The following CHL1 variants were observed in gnomAD, a reference collection of about 807,000 sequenced individuals.
CHL1 encodes neural cell adhesion molecule L1-like protein.
CHL1 carries 96 observed loss-of-function variants against 141.9 expected under a neutral mutation model. The observed-to-expected ratio is 0.68, with a 90% confidence interval of 0.57 to 0.80. The LOEUF (loss-of-function observed/expected upper bound fraction) is 0.80. CHL1 is among the 30% of genes least tolerant of loss of function. CHL1 has a pLI of 0.00. For missense variants in CHL1, 1,820 were observed against 1,457.2 expected, an observed-to-expected ratio of 1.25 and a Z score of -4.05; for synonymous variants, 613 against 502.2, an observed-to-expected ratio of 1.22 and a Z score of -2.95.
At chr3:380,866 G>C (rs1031561408) in intron 16 of CHL1, among the ~76,000 whole-genome samples, 5 of 152,076 alleles carry the variant, frequency 3.3e-5, no homozygotes, top group African/African-American at 4.8e-5. Context: ...GATTTATTTA[G>C]TTATAAAACA....
intron 1 of CHL1, among the ~76,000 whole-genome samples, chr3:205,574 G>T (rs1206306835): frequency 1.3e-5 from 2 of 152,184 alleles, no homozygotes; most frequent in African/African-American, 4.8e-5. Context: ...CCTGGCCAAA[G>T]ATAGGGAGAT....
chr3:362,102 T>C (rs1382898243), intron 13 of CHL1, among the ~76,000 whole-genome samples: 1 of 152,230 alleles, frequency 6.6e-6, no homozygotes, highest in Non-Finnish European at 1.5e-5. Context: ...TTTTGGTTTT[T>C]CATTATGAGG....
intron 4 of CHL1, 46 bp from the exon 5 acceptor site, chr3:328,119 CAT>C (rs1315018499): frequency 1.4e-6 from 2 of 1,450,874 alleles, no homozygotes; most frequent in Non-Finnish European, 1.9e-6. Context: ...GTACTCTAAA[CAT>C]ATGTCATTAT....
At chr3:234,241 G>T (rs886142253) in intron 1 of CHL1, among the ~76,000 whole-genome samples, 1 of 150,832 alleles carries the variant, frequency 6.6e-6, no homozygotes, top group African/African-American at 2.4e-5. Context: ...ATATATATTT[G>T]TATTTTACCA....
At chr3:314,481 A>G (rs1344448471) in intron 2 of CHL1, among the ~76,000 whole-genome samples, 6 of 151,642 alleles carry the variant, frequency 4.0e-5, no homozygotes, top group Non-Finnish European at 8.8e-5. Flanking sequence ...AATAAAGGAA[A>G]CATTTATTAT....
rs1323030315 is a variant in CHL1 at position 409,415 on chromosome 3, A to T, written c.*3704A>T. 6.6e-6 allele frequency: 1 copy of T among 152,080 alleles called. No individual in the cohort carries two copies. Among genetic ancestry groups the T allele is most frequent in the African/African-American group, 2.4e-5 (1 of 41,440 alleles). 9.4% of individuals were successfully genotyped at this position (152,080 alleles called of 1,614,324 possible). On this transcript the variant is annotated 3_prime_UTR_variant, in exon 28 of 28. Coordinates refer to ENST00000256509, the MANE Select transcript of CHL1 (RefSeq NM_006614.4). ...AAAAGTTCTACTTCATGTAATCCAA[A>T]AATGTTTGTATTCTGTTCTATATAG... is the stretch of plus-strand genomic sequence containing the variant.
intron 15 of CHL1, among the ~76,000 whole-genome samples, chr3:372,828 T>G (rs1333353033): frequency 6.6e-6 from 1 of 151,946 alleles, no homozygotes; most frequent in Non-Finnish European, 1.5e-5. Context: ...TTTCTTTCTT[T>G]TTTTTTTTTC....
At chr3:254,849 A>G (rs185390181) in intron 2 of CHL1, among the ~76,000 whole-genome samples, 1 of 152,208 alleles carries the variant, frequency 6.6e-6, no homozygotes, top group East Asian at 1.9e-4. Flanking sequence ...AGCCCTTCTG[A>G]CCTAATCACC....
chr3:310,536 T>C (rs1363935961), intron 2 of CHL1, among the ~76,000 whole-genome samples: 1 of 152,234 alleles, frequency 6.6e-6, no homozygotes, highest in East Asian at 1.9e-4. Context: ...TCATATATTA[T>C]TATTGCTTCC....
rs7631837 is a variant in CHL1, at chr3:382,874, T to C, written c.2176+203T>C. On this transcript the variant is annotated intron_variant, in intron 18 of 27. Transcript: ENST00000256509. ...TACGAGTTCGATAAAAGCAGGAAAT[T>C]AGGGGAGTGACATATGAAAAAAAAA... 5,264 of 564,572 alleles carry C rather than the reference T, an allele frequency of 9.3e-3. 206 individuals are homozygous for C. Among genetic ancestry groups the C allele is most frequent in the African/African-American group, 0.088 (4,695 of 53,390 alleles). The allele number at this position is 564,572 out of a possible 1,614,324, so 35.0% of individuals were successfully genotyped here. A position where few individuals can be genotyped will look rare whatever the true frequency, so the allele number is the denominator to read the frequency against.
chr3:299,004 A>T (rs1325200611), intron 2 of CHL1, among the ~76,000 whole-genome samples: 1 of 152,132 alleles, frequency 6.6e-6, no homozygotes, highest in Non-Finnish European at 1.5e-5. Flanking sequence ...TCTTATTTGG[A>T]TGGTGGAGTC....
In CHL1 at chr3:408,258, T is replaced by C. The variant is rs1306796783; in HGVS notation, c.*2547T>C. Reference sequence around the variant, plus strand: ...TTAAAACTTTGTTCGTTACTGGCTTTACCCTAACTTTCTCTAGTCTACTGT... The same window carrying C: ...TTAAAACTTTGTTCGTTACTGGCTTCACCCTAACTTTCTCTAGTCTACTGT... On this transcript the variant is annotated 3_prime_UTR_variant, in exon 28 of 28. Coordinates refer to ENST00000256509, the MANE Select transcript of CHL1 (RefSeq NM_006614.4). 6.6e-6 allele frequency: 1 copy of C among 152,122 alleles called. No individual in the cohort carries two copies. Among genetic ancestry groups the C allele is most frequent in the African/African-American group, 2.4e-5 (1 of 41,438 alleles). The allele number at this position is 152,122 out of a possible 1,614,324, so 9.4% of individuals were successfully genotyped here. A position where few individuals can be genotyped will look rare whatever the true frequency, so the allele number is the denominator to read the frequency against.
chr3:281,806 T>C (rs1294871368), intron 2 of CHL1, among the ~76,000 whole-genome samples: 16 of 152,132 alleles, frequency 1.1e-4, no homozygotes, highest in Non-Finnish European at 2.1e-4. Context: ...GTGATCTGCT[T>C]GCCTTGGCCT....
At chr3:314,369 A>C (rs936399500) in intron 2 of CHL1, among the ~76,000 whole-genome samples, 51 of 123,044 alleles carry the variant, frequency 4.1e-4, no homozygotes, top group African/African-American at 1.5e-3. Flanking sequence ...ATATATATAT[A>C]TCTGCTTCAG....
intron 3 of CHL1, among the ~76,000 whole-genome samples, chr3:320,479 C>G (rs560899044): frequency 6.6e-6 from 1 of 151,540 alleles, no homozygotes; most frequent in East Asian, 1.9e-4. Flanking sequence ...AGATTTTTAG[C>G]CATTATAAAT....
At chr3:387,026 A>G (rs910649802) in intron 19 of CHL1, among the ~76,000 whole-genome samples, 1 of 152,244 alleles carries the variant, frequency 6.6e-6, no homozygotes, top group Non-Finnish European at 1.5e-5. Flanking sequence ...TTGTTTCTCA[A>G]GAATAAATAA....
At chr3:372,735 T>A (rs7617011) in intron 15 of CHL1, among the ~76,000 whole-genome samples, 152,292 of 152,292 alleles carry the variant, frequency 1, 76,146 homozygotes, top group Non-Finnish European at 1. Context: ...AAATTTGTCT[T>A]CCTTCTATCT....
chr3:319,239 G>A (rs1213354543), intron 2 of CHL1, among the ~76,000 whole-genome samples: 1 of 143,784 alleles, frequency 7.0e-6, no homozygotes, highest in Non-Finnish European at 1.5e-5. Context: ...AGGGTAAGAA[G>A]GAGTGAGGAT....
intron 1 of CHL1, among the ~76,000 whole-genome samples, chr3:222,760 A>G (rs980778051): frequency 3.3e-5 from 5 of 152,240 alleles, no homozygotes; most frequent in Admixed American, 6.5e-5. Context: ...TGGTGGATCC[A>G]TCCTATTTTT....
Sources: gnomAD v4.1 joint callset for allele counts (sites outside exome capture counted in the v4.1 genomes callset) on GRCh38, gnomAD v4.1.1 for gene constraint, MANE v1.5 for transcripts, NCBI Gene and HGNC (gene_info 2026-07-23, HGNC 2026-07-21) for gene names.